Variants in RARS2 observed in about 807,000 individuals in gnomAD.
The protein encoded by RARS2 is probable arginine--tRNA ligase, mitochondrial.
Under a neutral mutation model 88.5 loss-of-function variants are expected in RARS2, and 67 were observed. The observed-to-expected ratio is 0.76, with a 90% CI of 0.62 to 0.93. The LOEUF (loss-of-function observed/expected upper bound fraction) is 0.93. RARS2 is among the 40% of genes least tolerant of loss of function. The pLI, the probability that RARS2 is intolerant of heterozygous loss-of-function variation, is 0.00. For synonymous variants in RARS2, 239 were observed against 230.3 expected (o/e 1.04, Z -0.34); for missense variants, 664 against 684.2 (o/e 0.97, Z 0.33).
intron 1 of RARS2, among the ~76,000 whole-genome samples, chr6:87,581,363 C>T (rs9450749): frequency 0.32 from 49,054 of 151,870 alleles, 8,020 homozygotes; most frequent in Admixed American, 0.41. Flanking sequence ...GCAATTACCC[C>T]AGTTGTTCCT....
At position 87,589,952 on chromosome 6, in the gene RARS2, C is replaced by T. The variant is rs371542506; in HGVS notation, c.6G>A (p.Ala2=). M[A]CGFRRAIACQ... is the part of the protein sequence containing the mutation. ...AAGCAATAGCGCGGCGAAAGCCGCACGCCATGTCCACCTCTACGGAAGTGC... is the reference window on the plus strand; with the variant it reads ...AAGCAATAGCGCGGCGAAAGCCGCATGCCATGTCCACCTCTACGGAAGTGC... Residue 2 remains alanine (A), a synonymous_variant, in exon 1 of 20, where the codon GCG becomes GCA. Transcript: ENST00000369536. The T allele has an allele frequency of 2.6e-5, 42 of 1,614,212 alleles. No homozygotes were observed. In the African/African-American group the frequency reaches 4.5e-4, roughly 17 times the overall value.
chr6:87,588,604 G>C (rs185195876), intron 1 of RARS2, among the ~76,000 whole-genome samples: 66 of 152,090 alleles, frequency 4.3e-4, no homozygotes, highest in African/African-American at 1.5e-3. Flanking sequence ...CGAACTCCTG[G>C]GCTCAAGCCA....
intron 11 of RARS2, among the ~76,000 whole-genome samples, chr6:87,522,876 C>G (rs574735931): frequency 2.0e-5 from 3 of 152,244 alleles, no homozygotes; most frequent in East Asian, 3.9e-4. Context: ...TCCCAAAGTT[C>G]TAAGATTACA....
intron 1 of RARS2, among the ~76,000 whole-genome samples, chr6:87,587,676 A>G (rs1775580457): frequency 6.6e-6 from 1 of 152,234 alleles, no homozygotes; most frequent in African/African-American, 2.4e-5. Context: ...AATAAGGTTA[A>G]TACTTCTATA....
intron 10 of RARS2, among the ~76,000 whole-genome samples, chr6:87,527,849 G>C (rs554440833): frequency 2.5e-3 from 377 of 152,090 alleles, no homozygotes; most frequent in African/African-American, 8.5e-3. Context: ...ACTTATAAGT[G>C]GGAGTTGAAC....
chr6:87,536,963 C>A (rs776861760), intron 8 of RARS2, among the ~76,000 whole-genome samples: 3 of 152,178 alleles, frequency 2.0e-5, no homozygotes, highest in East Asian at 1.9e-4. Context: ...CAGAGAAAAA[C>A]CACTAGTGAA....
chr6:87,585,055 T>C (rs1167049391), intron 1 of RARS2, among the ~76,000 whole-genome samples: 1 of 152,216 alleles, frequency 6.6e-6, no homozygotes, highest in Non-Finnish European at 1.5e-5. Context: ...CAGGTATTCC[T>C]GGAACTGGGG....
At chr6:87,576,568 G>A (rs1326082308) in intron 1 of RARS2, among the ~76,000 whole-genome samples, 5 of 151,510 alleles carry the variant, frequency 3.3e-5, no homozygotes, top group East Asian at 1.9e-4. Flanking sequence ...GAGCCACCGC[G>A]CCCGGCCAAC....
intron 11 of RARS2, 27 bp from the exon 12 acceptor site, chr6:87,521,551 A>T (rs1229513028): frequency 6.3e-7 from 1 of 1,579,974 alleles, no homozygotes; most frequent in East Asian, 2.2e-5. Flanking sequence ...ATAAACCAAG[A>T]GTTACTAAGC....
At chr6:87,546,774 C>A (rs1214257410) in intron 6 of RARS2, among the ~76,000 whole-genome samples, 2 of 152,186 alleles carry the variant, frequency 1.3e-5, no homozygotes, top group Admixed American at 1.3e-4. Context: ...TGCAAATAAA[C>A]CCTCACCAAT....
intron 10 of RARS2, among the ~76,000 whole-genome samples, chr6:87,528,242 C>CAAAAAAAAAA (rs71018029): frequency 8.4e-6 from 1 of 119,692 alleles, no homozygotes; most frequent in Admixed American, 8.0e-5. Flanking sequence ...GCTTTTATAA[C>CAAAAAAAAAA]AAAAAAAAAA....
intron 6 of RARS2, among the ~76,000 whole-genome samples, chr6:87,546,355 G>A (rs1481928251): frequency 6.6e-6 from 1 of 152,174 alleles, no homozygotes; most frequent in Non-Finnish European, 1.5e-5. Context: ...CAGATACAGT[G>A]TCTGTAAGAT....
chr6:87,541,359 T>C (rs7768758), intron 8 of RARS2, among the ~76,000 whole-genome samples: 10,239 of 152,132 alleles, frequency 0.067, 386 homozygotes, highest in East Asian at 0.096. Flanking sequence ...TATTACTTTA[T>C]AGAGGCCAGG....
chr6:87,533,085 C>T (rs1778045551), intron 8 of RARS2, among the ~76,000 whole-genome samples: 1 of 151,908 alleles, frequency 6.6e-6, no homozygotes, highest in Admixed American at 6.6e-5. Flanking sequence ...TTTATTTTCA[C>T]AAAAGAGTTT....
intron 1 of RARS2, 138 bp from the exon 2 acceptor site, chr6:87,569,728 G>A: frequency 2.1e-5 from 15 of 730,686 alleles, no homozygotes; most frequent in Admixed American, 2.0e-4. Context: ...AAGGAAGCCA[G>A]ATTCAAAAAG....
chr6:87,533,132 TG>T (rs1301609010), intron 8 of RARS2, among the ~76,000 whole-genome samples: 1 of 151,894 alleles, frequency 6.6e-6, no homozygotes, highest in Non-Finnish European at 1.5e-5. Context: ...TTCTTCAGGG[TG>T]AAGTTTCTTT....
At chr6:87,554,976 C>T (rs1247594252) in intron 5 of RARS2, among the ~76,000 whole-genome samples, 7 of 151,810 alleles carry the variant, frequency 4.6e-5, no homozygotes, top group African/African-American at 9.7e-5. Context: ...TGGTGGCGGG[C>T]GCCTGTAGTC....
At chr6:87,533,506 A>G (rs777081075) in intron 8 of RARS2, among the ~76,000 whole-genome samples, 1 of 152,196 alleles carries the variant, frequency 6.6e-6, no homozygotes, top group Non-Finnish European at 1.5e-5. Context: ...TTTAGACACA[A>G]AGAGATAAAA....
chr6:87,516,421 G>A (rs1007875822), intron 18 of RARS2, among the ~76,000 whole-genome samples: 1 of 152,066 alleles, frequency 6.6e-6, no homozygotes, highest in East Asian at 1.9e-4. Context: ...GTATTATTAC[G>A]TTCTTGCTCA....
Sources: allele counts gnomAD v4.1 joint callset (sites outside exome capture counted in the v4.1 genomes callset), GRCh38; gene constraint gnomAD v4.1.1; transcripts MANE v1.5; gene names NCBI Gene and HGNC (gene_info 2026-07-23, HGNC 2026-07-21).